ATP2B2: variants seen among roughly 807,000 people sequenced by gnomAD.
The protein encoded by ATP2B2 is plasma membrane calcium-transporting ATPase 2.
A neutral mutation model predicts 120.0 loss-of-function variants in ATP2B2; 15 were observed. The ratio of observed to expected loss-of-function variants is 0.12; its 90% CI spans 0.08 to 0.19. The LOEUF is 0.19. ATP2B2 is among the 10% of genes least tolerant of loss of function. The pLI is 1.00. For missense variants in ATP2B2, 1,045 were observed against 1,719.8 expected (o/e 0.61, Z 6.94); for synonymous variants, 694 against 700.3 (o/e 0.99, Z 0.14).
At chr3:10,630,418 C>T (rs115353631) in intron 1 of ATP2B2, among the ~76,000 whole-genome samples, 2,787 of 152,186 alleles carry the variant, frequency 0.018, 86 homozygotes, top group African/African-American at 0.063. Context: ...CATGTACATG[C>T]GGTATTTGAT....
At chr3:10,564,814 C>G (rs1180345043) in intron 2 of ATP2B2, among the ~76,000 whole-genome samples, 2 of 152,148 alleles carry the variant, frequency 1.3e-5, no homozygotes, top group Non-Finnish European at 2.9e-5. Flanking sequence ...ACTCTGCATC[C>G]CAACAATTCC....
intron 2 of ATP2B2, among the ~76,000 whole-genome samples, chr3:10,564,011 C>G (rs2067957116): frequency 6.6e-6 from 1 of 152,198 alleles, no homozygotes; most frequent in East Asian, 1.9e-4. Context: ...ACACTTCTGA[C>G]CATGTGTTTT....
chr3:10,489,935 G>A (rs6793592), intron 1 of ATP2B2, among the ~76,000 whole-genome samples: 9,301 of 152,290 alleles, frequency 0.061, 945 homozygotes, highest in African/African-American at 0.21. Context: ...TGGCCACCCC[G>A]GCCTGGTGCC....
rs554815267 is a variant in ATP2B2, at chr3:10,343,711, G to A, written c.2704-746C>T. 3.9e-5 allele frequency among the ~76,000 whole-genome samples: 6 copies of A among 151,968 alleles called. No homozygotes were observed. The highest frequency in any genetic ancestry group is 3.3e-4 in the Admixed American group (5 of 15,278). ...CCTCCACGTTCCCAGAATGCCCTCC[G>A]CCCACGTCACCAGCACCTTCTGTGC... On this transcript the variant is annotated intron_variant, in intron 18 of 22. Transcript: ENST00000360273. This position sits in a 1 kb window ranked among gnomAD's most constrained non-coding sequence, Gnocchi z 4.2.
chr3:10,554,434 A>T (rs1019934919), intron 2 of ATP2B2, among the ~76,000 whole-genome samples: 4 of 152,164 alleles, frequency 2.6e-5, no homozygotes, highest in African/African-American at 7.2e-5. Context: ...AGGGGAGATC[A>T]CCCTGGATGA....
At chr3:10,430,778 C>T (rs1049492835) in intron 2 of ATP2B2, among the ~76,000 whole-genome samples, 1 of 151,212 alleles carries the variant, frequency 6.6e-6, no homozygotes, top group Non-Finnish European at 1.5e-5. Context: ...ACTGAGTGTC[C>T]AGTAAAGAAA....
intron 12 of ATP2B2, among the ~76,000 whole-genome samples, chr3:10,361,586 T>C (rs538501358): frequency 6.6e-6 from 1 of 152,182 alleles, no homozygotes; most frequent in Non-Finnish European, 1.5e-5. Flanking sequence ...ACCAGCTGCA[T>C]CTCCCCAGCA....
chr3:10,675,611 G>A (rs1346567874), intron 1 of ATP2B2, among the ~76,000 whole-genome samples: 1 of 152,182 alleles, frequency 6.6e-6, no homozygotes, highest in Admixed American at 6.5e-5. Context: ...AGCCCAGGGT[G>A]CCTGTGACTT....
intron 2 of ATP2B2, among the ~76,000 whole-genome samples, chr3:10,552,271 A>C (rs999184082): frequency 1.3e-5 from 2 of 152,232 alleles, no homozygotes; most frequent in African/African-American, 2.4e-5. Context: ...TGTAAAGAAA[A>C]GGGGAAGAGG....
intron 1 of ATP2B2, among the ~76,000 whole-genome samples, chr3:10,451,811 C>A (rs541506335): frequency 6.6e-6 from 1 of 152,252 alleles, no homozygotes; most frequent in African/African-American, 2.4e-5. Context: ...AGTTTTGACC[C>A]CAACAATGTA....
intron 22 of ATP2B2, chr3:10,332,448 G>A (rs951912619): frequency 1.1e-5 from 2 of 187,752 alleles, no homozygotes; most frequent in African/African-American, 4.6e-5. Context: ...TTGAGGCAAT[G>A]AGAAAGAGAG....
chr3:10,534,545 A>C (rs762393508), intron 2 of ATP2B2, among the ~76,000 whole-genome samples: 28 of 152,216 alleles, frequency 1.8e-4, no homozygotes, highest in Admixed American at 4.6e-4. Context: ...TCTTTGCTGG[A>C]TCTTCATAAG....
At chr3:10,439,530 C>T (rs1008987073) in intron 2 of ATP2B2, among the ~76,000 whole-genome samples, 1 of 152,210 alleles carries the variant, frequency 6.6e-6, no homozygotes, top group East Asian at 1.9e-4. Flanking sequence ...AGTGTGGCCC[C>T]TGGAAGCCAG....
Position 10,523,776 on chromosome 3 carries a change from A to G in ATP2B2, c.-320+10263T>C, listed in dbSNP as rs139790599. On this transcript the variant is annotated intron_variant, in intron 3 of 21. Coordinates refer to the ATP2B2 transcript ENST00000646379. Reference sequence around the variant, plus strand: ...GGGAGAGGAGAACTTGGCTCCACTAAGTGGTCAAATATATCAGAGCCCAGG... The same window carrying G: ...GGGAGAGGAGAACTTGGCTCCACTAGGTGGTCAAATATATCAGAGCCCAGG... Among the ~76,000 whole-genome samples the G allele has an allele frequency of 2.1e-3, 326 of 152,000 alleles. 1 individual carries two copies. Among genetic ancestry groups the G allele is most frequent in the African/African-American group, 7.6e-3 (315 of 41,432 alleles).
At chr3:10,396,701 T>C (rs1575114468) in intron 5 of ATP2B2, among the ~76,000 whole-genome samples, 1 of 151,914 alleles carries the variant, frequency 6.6e-6, no homozygotes, top group South Asian at 2.1e-4. Context: ...AGGCTGAAGG[T>C]AGGGAGGAGT....
At chr3:10,366,261 G>T (rs977910761) in intron 12 of ATP2B2, among the ~76,000 whole-genome samples, 1 of 152,036 alleles carries the variant, frequency 6.6e-6, no homozygotes, top group African/African-American at 2.4e-5. Context: ...TTTCTCCTCG[G>T]CCCTCCCTAC....
chr3:10,336,553 G>A (rs2125349178), intron 22 of ATP2B2, among the ~76,000 whole-genome samples: 1 of 152,302 alleles, frequency 6.6e-6, no homozygotes, highest in Non-Finnish European at 1.5e-5. Flanking sequence ...TGGCTCAGGG[G>A]CCAGTGGGCT....
At chr3:10,503,958 G>A (rs980817062) in intron 1 of ATP2B2, among the ~76,000 whole-genome samples, 7 of 152,224 alleles carry the variant, frequency 4.6e-5, no homozygotes, top group Admixed American at 2.6e-4. Flanking sequence ...GTTCAGGAAC[G>A]TGGGTTGTAT....
At chr3:10,540,839 G>T (rs2067422843) in intron 2 of ATP2B2, among the ~76,000 whole-genome samples, 1 of 151,134 alleles carries the variant, frequency 6.6e-6, no homozygotes, top group Admixed American at 6.6e-5. Context: ...TTCACGTTGT[G>T]CACATGTACC....
Sources: gnomAD v4.1 joint callset for allele counts (sites outside exome capture counted in the v4.1 genomes callset) on GRCh38, gnomAD v4.1.1 for gene constraint, Gnocchi (gnomAD v3.1) non-coding constraint, MANE v1.5 for transcripts, NCBI Gene and HGNC (gene_info 2026-07-23, HGNC 2026-07-21) for gene names.